B4GALNT1: variants seen among roughly 807,000 people sequenced by gnomAD.
The protein encoded by B4GALNT1 is beta-1,4-N-acetyl-galactosaminyltransferase 1.
B4GALNT1 carries 43 observed loss-of-function variants against 55.2 expected under a neutral mutation model. The ratio of observed to expected loss-of-function variants is 0.78; its 90% CI spans 0.61 to 1.00. The LOEUF (loss-of-function observed/expected upper bound fraction) is 1.00. B4GALNT1 is among the 50% of genes least tolerant of loss of function. B4GALNT1 has a pLI of 0.00. For synonymous variants in B4GALNT1, 305 were observed against 311.6 expected, an observed-to-expected ratio of 0.98 and a Z score of 0.22; for missense variants, 664 against 729.7, an observed-to-expected ratio of 0.91 and a Z score of 1.04.
chr12:57,632,005 G>T lies in B4GALNT1; in HGVS notation c.128C>A (p.Pro43Gln), dbSNP rs867636730. Residue 43 changes from proline (P) to glutamine (Q), a missense_variant, in exon 2 of 11, where the codon CCG (proline) becomes CAG (glutamine). Transcript: ENST00000341156. ...CAGCTCGGGCCTGCGGGGGCTTTGC[G>T]GGGGCGCCCACGGCGCAAGAGGTAG... ...LRLPLAPWAP[P>Q]QSPRRPELPD... The T allele has an allele frequency of 1.4e-6, 2 of 1,451,770 alleles. No individual in the cohort carries two copies. The highest frequency in any genetic ancestry group is 2.5e-5 in the East Asian group (1 of 39,422). The allele number at this position is 1,451,770 out of a possible 1,614,324, so 89.9% of individuals were successfully genotyped here.
rs771748322 is a variant in B4GALNT1, at chr12:57,623,921, G to A, written c.*2823C>T. On this transcript the variant is annotated 3_prime_UTR_variant, in exon 11 of 11. Transcript: ENST00000341156. Reference sequence around the variant, plus strand: ...TTTTACTATCTGCCCAAGGTAATGAGCAGAGGAGGCATGAGCATGGCTGGG... The same window carrying A: ...TTTTACTATCTGCCCAAGGTAATGAACAGAGGAGGCATGAGCATGGCTGGG... The A allele has an allele frequency of 1.9e-6, 3 of 1,613,986 alleles. No individual in the cohort carries two copies. Among genetic ancestry groups the A allele is most frequent in the South Asian group, 2.2e-5 (2 of 91,064 alleles).
Position 57,625,407 on chromosome 12 carries a change from C to T in B4GALNT1, c.*1337G>A, listed in dbSNP as rs766525540. The T allele has an allele frequency of 6.2e-7, 1 of 1,614,174 alleles. No individual in the cohort carries two copies. The highest frequency in any genetic ancestry group is 1.1e-5 in the South Asian group (1 of 91,090). On this transcript the variant is annotated 3_prime_UTR_variant, in exon 11 of 11. Coordinates refer to ENST00000341156, the MANE Select transcript of B4GALNT1 (RefSeq NM_001478.5). The stretch of plus-strand genomic sequence containing the variant: ...ACTTAACCCCTTTGCCCCATCCCTG[C>T]AGCTGGCCAGCCGATGTCGAGATGC...
At position 57,632,341 on chromosome 12, in the gene B4GALNT1, T is replaced by C. The variant is rs1262685522; in HGVS notation, c.-1-208A>G. 4 of 694,926 alleles carry C rather than the reference T, an allele frequency of 5.8e-6. No individual in the cohort carries two copies. The Admixed American group carries it at 8.2e-5, about 14-fold the overall frequency. 43.0% of individuals were successfully genotyped at this position (694,926 alleles called of 1,614,324 possible). A position where few individuals can be genotyped will look rare whatever the true frequency, so the allele number is the denominator to read the frequency against. On this transcript the variant is annotated intron_variant, in intron 1 of 10. Transcript: ENST00000341156. ...CAGGCCCCAGGGTCTCCCGGCCTCC[T>C]TTCTTCTCGCCCTCTCCTGCATCTC...
intron 6 of B4GALNT1, 46 bp from the exon 7 acceptor site, chr12:57,629,192 A>G: frequency 6.8e-7 from 1 of 1,476,770 alleles, no homozygotes; most frequent in Non-Finnish European, 9.1e-7. Context: ...GTGGGATAAC[A>G]TTCTGTTTTC....
At chr12:57,628,684 G>A in intron 8 of B4GALNT1, 29 bp downstream of exon 8, 1 of 1,613,178 alleles carries the variant, frequency 6.2e-7, no homozygotes, top group Non-Finnish European at 8.5e-7. Context: ...GAGTCCTCTG[G>A]CCTGCCGTTC....
Position 57,623,632 on chromosome 12 carries a change from G to C in B4GALNT1, c.*3112C>G. 1.7e-6 allele frequency: 1 copy of C among 577,814 alleles called. No individual in the cohort carries two copies. Among genetic ancestry groups the C allele is most frequent in the Non-Finnish European group, 3.1e-6 (1 of 325,602 alleles). The allele number at this position is 577,814 out of a possible 1,614,324, so 35.8% of individuals were successfully genotyped here. ...ACAATGGACATCTACAAGGAGACTGGTGAATAATGGGCATTTAATTAATTG... is the reference window on the plus strand; with the variant it reads ...ACAATGGACATCTACAAGGAGACTGCTGAATAATGGGCATTTAATTAATTG... On this transcript the variant is annotated 3_prime_UTR_variant, in exon 11 of 11. Transcript: ENST00000341156.
Position 57,632,153 on chromosome 12 carries a change from G to A in B4GALNT1, c.-1-20C>T, listed in dbSNP as rs1317688915. The A allele has an allele frequency of 3.2e-6, 5 of 1,538,604 alleles. No individual in the cohort carries two copies. The highest frequency in any genetic ancestry group is 1.8e-6 in the Non-Finnish European group (2 of 1,138,204). ...CACATCCTAGGTGGGGGTAGGGTGG[G>A]GAGTGAGAAAGGGAGGGAAGAAGGG... is the stretch of plus-strand genomic sequence containing the variant. On this transcript the variant is annotated intron_variant, in intron 1 of 10. Transcript: ENST00000341156.
rs771495347 is a variant in B4GALNT1 at position 57,624,724 on chromosome 12, G to T, written c.*2020C>A. 1 of 831,298 alleles carries T rather than the reference G, an allele frequency of 1.2e-6. No individual in the cohort carries two copies. The highest frequency in any genetic ancestry group is 2.1e-6 in the Non-Finnish European group (1 of 467,254). The allele number at this position is 831,298 out of a possible 1,614,324, so 51.5% of individuals were successfully genotyped here. ...AATCTGGCCCCACCTTCTTCCCTAG[G>T]GTGTAGTGCCTGGCACTTGGACAGG... is the stretch of plus-strand genomic sequence containing the variant. On this transcript the variant is annotated 3_prime_UTR_variant, in exon 11 of 11. Transcript: ENST00000341156.
At position 57,626,385 on chromosome 12, in the gene B4GALNT1, C is replaced by T; in HGVS notation, c.*359G>A. 3.2e-6 allele frequency: 1 copy of T among 308,944 alleles called. No homozygotes were observed. The highest frequency in any genetic ancestry group is 3.5e-5 in the South Asian group (1 of 28,984). 19.1% of individuals were successfully genotyped at this position (308,944 alleles called of 1,614,324 possible). A position where few individuals can be genotyped will look rare whatever the true frequency, so the allele number is the denominator to read the frequency against. The stretch of plus-strand genomic sequence containing the variant: ...TTATGTGTTGGGGAACTTCCCCACC[C>T]CCTCGGTCCCAAGATGAGAGGACAG... On this transcript the variant is annotated 3_prime_UTR_variant, in exon 11 of 11. Transcript: ENST00000341156.
chr12:57,626,694 G>C lies in B4GALNT1; in HGVS notation c.*50C>G, dbSNP rs372720890. The C allele has an allele frequency of 4.8e-5, 77 of 1,602,478 alleles. No homozygotes were observed. In the Middle Eastern group the frequency reaches 5.3e-4, roughly 11 times the overall value. On this transcript the variant is annotated 3_prime_UTR_variant, in exon 11 of 11. Transcript: ENST00000341156. ...TGGGGTTTGTTGGAAATTCCTGGCA[G>C]GGACAAGGAGGCAGGCCCAGCCTGA... is the stretch of plus-strand genomic sequence containing the variant.
At position 57,631,323 on chromosome 12, in the gene B4GALNT1, C is replaced by T. The variant is rs1426969942; in HGVS notation, c.260G>A (p.Gly87Glu). ...WNNCSCESSG[G>E]GLPLPFQKQV... ...TTTCTGGAAGGGGAGGGGGAGGCCCCCCCCACTGGACTCACAACTGCAGTT... is the reference window on the plus strand; with the variant it reads ...TTTCTGGAAGGGGAGGGGGAGGCCCTCCCCACTGGACTCACAACTGCAGTT... The change falls in exon 3 of 11, where the codon GGG becomes GAG. Residue 87 changes from glycine (G) to glutamate (E), a missense_variant. Gly to Glu is a moderately conservative substitution (Grantham distance 98). Coordinates refer to ENST00000341156, the MANE Select transcript of B4GALNT1 (RefSeq NM_001478.5). The T allele has an allele frequency of 6.2e-7, 1 of 1,614,112 alleles. No individual in the cohort carries two copies. Among genetic ancestry groups the T allele is most frequent in the Non-Finnish European group, 8.5e-7 (1 of 1,179,978 alleles).
intron 2 of B4GALNT1, among the ~76,000 whole-genome samples, chr12:57,631,633 G>A (rs1353377122): frequency 6.6e-6 from 1 of 152,158 alleles, no homozygotes; most frequent in Non-Finnish European, 1.5e-5. Context: ...CCCACCTGGA[G>A]TCTCTTCTCA....
At position 57,631,713 on chromosome 12, in the gene B4GALNT1, C is replaced by A. The variant is rs77985887; in HGVS notation, c.218+202G>T. Among the ~76,000 whole-genome samples the A allele has an allele frequency of 0.043, 6,609 of 152,276 alleles. 211 individuals are homozygous for A. Among genetic ancestry groups the A allele is most frequent in the South Asian group, 0.072 (347 of 4,822 alleles). On this transcript the variant is annotated intron_variant, in intron 2 of 10. Coordinates refer to ENST00000341156, the MANE Select transcript of B4GALNT1 (RefSeq NM_001478.5). ...ACTGCACAACCTCCCACGCCCATCC[C>A]CATCCTTATCCCCATGGCAAGGTTC... is the stretch of plus-strand genomic sequence containing the variant.
chr12:57,624,243 C>T lies in B4GALNT1; in HGVS notation c.*2501G>A, dbSNP rs1884651509. The T allele has an allele frequency of 1.3e-6, 1 of 762,700 alleles. No homozygotes were observed. The highest frequency in any genetic ancestry group is 2.1e-6 in the Non-Finnish European group (1 of 466,298). The allele number at this position is 762,700 out of a possible 1,614,324, so 47.2% of individuals were successfully genotyped here. On this transcript the variant is annotated 3_prime_UTR_variant, in exon 11 of 11. Coordinates refer to ENST00000341156, the MANE Select transcript of B4GALNT1 (RefSeq NM_001478.5). ...CAAACATAACTCCTAGTATGCTTTA[C>T]TCACAGGCAAGGGAAAGGATGGGGT...
chr12:57,631,585 A>T (rs1420676816), intron 2 of B4GALNT1, among the ~76,000 whole-genome samples: 1 of 151,948 alleles, frequency 6.6e-6, no homozygotes, highest in Non-Finnish European at 1.5e-5. Flanking sequence ...AGGGCCAATT[A>T]CCAGGATTTC....
At position 57,630,307 on chromosome 12, in the gene B4GALNT1, G is replaced by C. The variant is rs762597737; in HGVS notation, c.557C>G (p.Thr186Ser). ...AGTCACTTCCCCTGCCACGTCCCAG[G>C]TGCCTAGGGAGGCAGTCAGGTTCAC... ...YQVNLTASLG[T>S]WDVAGEVTGV... The change falls in exon 6 of 11, where the codon ACC becomes AGC. Residue 186 changes from threonine to serine, a missense_variant. By Grantham distance (58) the Thr-to-Ser change is moderately conservative. Coordinates refer to ENST00000341156, the MANE Select transcript of B4GALNT1 (RefSeq NM_001478.5). 6.2e-7 allele frequency: 1 copy of C among 1,614,108 alleles called. No homozygotes were observed. The highest frequency in any genetic ancestry group is 8.5e-7 in the Non-Finnish European group (1 of 1,179,960).
At chr12:57,628,564 A>T in intron 8 of B4GALNT1, 149 bp downstream of exon 8, 1 of 1,021,230 alleles carries the variant, frequency 9.8e-7, no homozygotes, top group Non-Finnish European at 1.4e-6. Context: ...GCTCCCACGA[A>T]GCTTACATTC....
chr12:57,625,489 G>T lies in B4GALNT1; in HGVS notation c.*1255C>A. The T allele has an allele frequency of 6.2e-7, 1 of 1,614,172 alleles. No homozygotes were observed. Among genetic ancestry groups the T allele is most frequent in the Non-Finnish European group, 8.5e-7 (1 of 1,180,014 alleles). On this transcript the variant is annotated 3_prime_UTR_variant, in exon 11 of 11. Coordinates refer to ENST00000341156, the MANE Select transcript of B4GALNT1 (RefSeq NM_001478.5). ...GGTGAGATGTGTGGAGAAGAGCGGG[G>T]CCCAGTGCCTGGGCAATGACTGGAC...
intron 5 of B4GALNT1, 46 bp from the exon 6 acceptor site, chr12:57,630,378 C>A: frequency 6.2e-7 from 1 of 1,600,272 alleles, no homozygotes; most frequent in Non-Finnish European, 8.5e-7. Context: ...AGACCCACTT[C>A]TTGCCTCCCT....
Sources: gnomAD v4.1 joint callset for allele counts (sites outside exome capture counted in the v4.1 genomes callset) on GRCh38, gnomAD v4.1.1 for gene constraint, MANE v1.5 for transcripts, NCBI Gene and HGNC (gene_info 2026-07-23, HGNC 2026-07-21) for gene names.